Variants in DSCAM observed in about 807,000 individuals in gnomAD.
DSCAM encodes the protein cell adhesion molecule DSCAM.
DSCAM carries 47 observed loss-of-function variants against 217.7 expected under a neutral mutation model. That is an observed-to-expected ratio of 0.22 (90% CI 0.17 to 0.28). The LOEUF is 0.28. DSCAM is among the 10% of genes least tolerant of loss of function. The pLI, the probability that DSCAM is intolerant of heterozygous loss-of-function variation, is 1.00. For synonymous variants in DSCAM, 1,056 were observed against 1,015.3 expected (o/e 1.04, Z -0.76); for missense variants, 2,080 against 2,618.3 (o/e 0.79, Z 4.49).
intron 3 of DSCAM, among the ~76,000 whole-genome samples, chr21:40,560,103 CTT>C (rs1232661601): frequency 1.3e-5 from 2 of 152,146 alleles, no homozygotes; most frequent in Non-Finnish European, 2.9e-5. Flanking sequence ...AATTTTCTGT[CTT>C]TTGAACTAAA....
chr21:40,171,147 G>A (rs562849839), intron 15 of DSCAM, among the ~76,000 whole-genome samples: 8 of 152,184 alleles, frequency 5.3e-5, no homozygotes, highest in Non-Finnish European at 1.0e-4. Flanking sequence ...GCACTATCTC[G>A]ACTCACTGCA....
intron 10 of DSCAM, among the ~76,000 whole-genome samples, chr21:40,281,031 C>T (rs1023219377): frequency 2.0e-5 from 3 of 152,178 alleles, no homozygotes; most frequent in African/African-American, 7.2e-5. Flanking sequence ...CCCAGCCAAC[C>T]CCTTGGCTGC....
chr21:40,348,336 T>C (rs1265692756), intron 5 of DSCAM, among the ~76,000 whole-genome samples: 3,935 of 114,544 alleles, frequency 0.034, no homozygotes, highest in Middle Eastern at 0.048. Flanking sequence ...CCATACATTT[T>C]GTATCAGCCA....
chr21:40,665,158 A>G (rs909951046), intron 3 of DSCAM, among the ~76,000 whole-genome samples: 1 of 152,208 alleles, frequency 6.6e-6, no homozygotes, highest in African/African-American at 2.4e-5. Flanking sequence ...CAAGCAAAGG[A>G]ATAAAGGAAC....
intron 10 of DSCAM, among the ~76,000 whole-genome samples, chr21:40,293,561 G>A (rs1331292738): frequency 2.6e-5 from 4 of 152,160 alleles, no homozygotes; most frequent in South Asian, 4.1e-4. Flanking sequence ...TTAGATAAAC[G>A]TAATTATTGA....
At chr21:40,492,369 A>G (rs1306219545) in intron 3 of DSCAM, among the ~76,000 whole-genome samples, 2 of 152,190 alleles carry the variant, frequency 1.3e-5, no homozygotes, top group Non-Finnish European at 2.9e-5. Context: ...GCAGATTCCA[A>G]GACCAAAGAA....
intron 3 of DSCAM, among the ~76,000 whole-genome samples, chr21:40,655,136 C>T (rs145381605): frequency 2.0e-4 from 31 of 152,278 alleles, no homozygotes; most frequent in African/African-American, 7.2e-4. Context: ...CACTCATGCA[C>T]CCATCTTGAC....
At chr21:40,419,603 A>T (rs1478187860) in intron 3 of DSCAM, among the ~76,000 whole-genome samples, 1 of 152,206 alleles carries the variant, frequency 6.6e-6, no homozygotes, top group Non-Finnish European at 1.5e-5. Flanking sequence ...TCAAGGTCTC[A>T]CCAGCTATAC....
chr21:40,217,245 G>T (rs552552979), intron 11 of DSCAM, among the ~76,000 whole-genome samples: 15 of 152,210 alleles, frequency 9.9e-5, no homozygotes, highest in African/African-American at 3.6e-4. Context: ...TTTGAAAAAT[G>T]CAGAAAAGTA....
intron 1 of DSCAM, among the ~76,000 whole-genome samples, chr21:40,776,565 C>A (rs1448958033): frequency 6.6e-6 from 1 of 152,098 alleles, no homozygotes; most frequent in African/African-American, 2.4e-5. Context: ...AAAGGCCCTG[C>A]AGACAGAGAG....
intron 1 of DSCAM, among the ~76,000 whole-genome samples, chr21:40,792,384 C>A (rs2091654194): frequency 6.6e-6 from 1 of 152,146 alleles, no homozygotes; most frequent in Non-Finnish European, 1.5e-5. Context: ...AGGTGATCCA[C>A]CTGCCTCGGA....
chr21:40,646,406 C>A (rs1419028241), intron 3 of DSCAM, among the ~76,000 whole-genome samples: 2 of 105,676 alleles, frequency 1.9e-5, no homozygotes, highest in Non-Finnish European at 4.0e-5. Flanking sequence ...GTGAGAGACT[C>A]TGTCAAAAAA....
chr21:40,308,207 TTTG>T (rs2074100912), intron 9 of DSCAM, among the ~76,000 whole-genome samples: 1 of 152,186 alleles, frequency 6.6e-6, no homozygotes, highest in South Asian at 2.1e-4. Flanking sequence ...GGGTCTGGAT[TTTG>T]TTGTCTTCCT....
At chr21:40,221,028 G>T (rs1187892799) in intron 11 of DSCAM, among the ~76,000 whole-genome samples, 1 of 152,170 alleles carries the variant, frequency 6.6e-6, no homozygotes, top group African/African-American at 2.4e-5. Flanking sequence ...GAGGCTCAGA[G>T]GTGCTCAGAA....
chr21:40,362,647 T>C (rs1395917899), intron 4 of DSCAM, among the ~76,000 whole-genome samples: 1 of 152,220 alleles, frequency 6.6e-6, no homozygotes, highest in Non-Finnish European at 1.5e-5. Context: ...CCTTCTGAAC[T>C]AAGGTTATTT....
At chr21:40,758,934 A>G (rs904709986) in intron 1 of DSCAM, among the ~76,000 whole-genome samples, 1 of 152,146 alleles carries the variant, frequency 6.6e-6, no homozygotes, top group African/African-American at 2.4e-5. Flanking sequence ...TTAGCCCTTT[A>G]TCTGACCCAC....
chr21:40,179,854 A>G (rs1410818788), intron 14 of DSCAM, among the ~76,000 whole-genome samples: 1 of 152,318 alleles, frequency 6.6e-6, no homozygotes, highest in East Asian at 1.9e-4. Flanking sequence ...CGTGGTTCTT[A>G]TATCAAAAGA....
chr21:40,298,033 T>C (rs905928595), intron 9 of DSCAM, among the ~76,000 whole-genome samples: 1 of 152,048 alleles, frequency 6.6e-6, no homozygotes, highest in Admixed American at 6.6e-5. Flanking sequence ...AGATATTAAC[T>C]GCTGTAAGAG....
At chr21:40,280,233 G>A (rs896311257) in intron 10 of DSCAM, among the ~76,000 whole-genome samples, 1 of 145,952 alleles carries the variant, frequency 6.9e-6, no homozygotes, top group Non-Finnish European at 1.5e-5. Context: ...CCAGGTTGGA[G>A]GGCAGTGACA....
Sources: allele counts gnomAD v4.1 joint callset (sites outside exome capture counted in the v4.1 genomes callset), GRCh38; gene constraint gnomAD v4.1.1; transcripts MANE v1.5; gene names NCBI Gene and HGNC (gene_info 2026-07-23, HGNC 2026-07-21).